Variants in AFF1 observed in about 807,000 individuals in gnomAD.
AFF1 encodes AF4/FMR2 family member 1.
In AFF1, 48 loss-of-function variants were observed where a neutral mutation model predicts 121.7. The ratio of observed to expected loss-of-function variants is 0.39; its 90% CI spans 0.31 to 0.50. The LOEUF is 0.50. AFF1 is among the 20% of genes least tolerant of loss of function. The pLI is 0.76. For missense variants in AFF1, 1,523 were observed against 1,511.7 expected (o/e 1.01, Z -0.12); for synonymous variants, 613 against 563.0 (o/e 1.09, Z -1.26).
At chr4:86,950,128 G>A in intron 2 of AFF1, 1 of 1,596,186 alleles carries the variant, frequency 6.3e-7, no homozygotes, top group Non-Finnish European at 8.6e-7. Flanking sequence ...GGCAGGGATG[G>A]GACTTGGGCC....
intron 4 of AFF1, among the ~76,000 whole-genome samples, chr4:87,048,271 G>A (rs1730926618): frequency 6.6e-6 from 1 of 152,080 alleles, no homozygotes; most frequent in African/African-American, 2.4e-5. Context: ...AATACAGAAT[G>A]TTATTCAATT....
At chr4:87,081,054 A>G (rs1163331521) in intron 4 of AFF1, among the ~76,000 whole-genome samples, 1 of 152,194 alleles carries the variant, frequency 6.6e-6, no homozygotes, top group Non-Finnish European at 1.5e-5. Flanking sequence ...AGAGAAAAAT[A>G]TAAAGCAAAT....
At chr4:87,056,263 A>G (rs576793741) in intron 4 of AFF1, among the ~76,000 whole-genome samples, 83 of 152,296 alleles carry the variant, frequency 5.4e-4, no homozygotes, top group African/African-American at 1.9e-3. Flanking sequence ...TTTTTATTCC[A>G]ATTTACAAAT....
chr4:86,960,426 C>A (rs916254879), intron 2 of AFF1, among the ~76,000 whole-genome samples: 1 of 152,164 alleles, frequency 6.6e-6, no homozygotes, highest in Admixed American at 6.5e-5. Flanking sequence ...CCTTTTCCCA[C>A]CCGACATCAG....
intron 4 of AFF1, among the ~76,000 whole-genome samples, chr4:87,057,818 A>G (rs1720304332): frequency 6.6e-6 from 1 of 152,294 alleles, no homozygotes; most frequent in East Asian, 1.9e-4. Flanking sequence ...AGTGAAAGAA[A>G]GTATTTCCTT....
chr4:87,060,721 C>T (rs1024030072), intron 4 of AFF1, among the ~76,000 whole-genome samples: 3 of 151,872 alleles, frequency 2.0e-5, no homozygotes, highest in South Asian at 4.2e-4. Context: ...CGCCTGTACT[C>T]CCGGCTTCTG....
intron 12 of AFF1, among the ~76,000 whole-genome samples, chr4:87,122,881 T>TTAA (rs1381944812): frequency 7.2e-5 from 7 of 96,646 alleles, no homozygotes; most frequent in Non-Finnish European, 9.6e-5. Context: ...GGAAAATTAG[T>TTAA]AAAAAAAAAA....
chr4:87,061,056 GT>G (rs1362270274), intron 4 of AFF1, among the ~76,000 whole-genome samples: 1 of 152,088 alleles, frequency 6.6e-6, no homozygotes, highest in Non-Finnish European at 1.5e-5. Flanking sequence ...GAAAACACTG[GT>G]CTGTTGTTCT....
chr4:87,051,414 T>C (rs902455561), intron 4 of AFF1, among the ~76,000 whole-genome samples: 8 of 137,412 alleles, frequency 5.8e-5, no homozygotes. Flanking sequence ...CTTTCCTTTT[T>C]CTTTTTTTTT....
intron 2 of AFF1, among the ~76,000 whole-genome samples, chr4:87,009,776 C>T (rs956430746): frequency 3.3e-5 from 5 of 151,972 alleles, no homozygotes; most frequent in Admixed American, 3.3e-4. Flanking sequence ...GCCACGTTGC[C>T]CTGAGTAATG....
chr4:87,065,771 C>T (rs1721288923), intron 4 of AFF1, among the ~76,000 whole-genome samples: 1 of 140,432 alleles, frequency 7.1e-6, no homozygotes, highest in South Asian at 2.3e-4. Context: ...AGAACTTAAA[C>T]AGTTGAGAAT....
At chr4:86,949,528 ATTATTATTATTTTTT>A in intron 2 of AFF1, 1 of 285,242 alleles carries the variant, frequency 3.5e-6, no homozygotes. Flanking sequence ...ATTAATTATT[ATTATTATTATTTTTT>A]TTTTTTTTTT....
chr4:86,977,140 G>C (rs1723361219), intron 2 of AFF1, among the ~76,000 whole-genome samples: 1 of 152,180 alleles, frequency 6.6e-6, no homozygotes, highest in Non-Finnish European at 1.5e-5. Context: ...ATATGAGACA[G>C]ATACATTCTA....
intron 18 of AFF1, 55 bp downstream of exon 18, chr4:87,131,919 G>A: frequency 7.2e-7 from 1 of 1,385,070 alleles, no homozygotes; most frequent in Non-Finnish European, 9.7e-7. Context: ...ATCTGTTGAT[G>A]TTACAAAAAG....
At chr4:87,127,487 T>A (rs1018237612) in intron 15 of AFF1, among the ~76,000 whole-genome samples, 156 bp from the exon 16 acceptor site, 2 of 152,016 alleles carry the variant, frequency 1.3e-5, no homozygotes, top group Non-Finnish European at 2.9e-5. Flanking sequence ...CTTCCTCCAT[T>A]TCCTCCTCCC....
chr4:87,085,747 A>G (rs542188110), intron 5 of AFF1, among the ~76,000 whole-genome samples: 3 of 144,972 alleles, frequency 2.1e-5, no homozygotes, highest in Non-Finnish European at 4.5e-5. Flanking sequence ...CTAGAGAAAC[A>G]TACCTTTTTT....
At chr4:87,129,248 T>G (rs1728582104) in intron 16 of AFF1, among the ~76,000 whole-genome samples, 1 of 152,228 alleles carries the variant, frequency 6.6e-6, no homozygotes, top group Non-Finnish European at 1.5e-5. Flanking sequence ...AGCATAATGT[T>G]TCAAAGATGT....
intron 2 of AFF1, among the ~76,000 whole-genome samples, chr4:86,995,060 G>A (rs1343436314): frequency 2.0e-5 from 3 of 152,052 alleles, no homozygotes; most frequent in Non-Finnish European, 4.4e-5. Context: ...AGGCAACATG[G>A]TAAAACCTAG....
intron 4 of AFF1, among the ~76,000 whole-genome samples, chr4:87,063,086 T>C (rs1457429464): frequency 6.6e-6 from 1 of 152,188 alleles, no homozygotes; most frequent in Non-Finnish European, 1.5e-5. Flanking sequence ...TGTAAGGAGA[T>C]AGGTTTAAGT....
Sources: gnomAD v4.1 joint callset for allele counts (sites outside exome capture counted in the v4.1 genomes callset) on GRCh38, gnomAD v4.1.1 for gene constraint, MANE v1.5 for transcripts, NCBI Gene and HGNC (gene_info 2026-07-23, HGNC 2026-07-21) for gene names.